PDLIM5: variants seen among roughly 807,000 people sequenced by gnomAD.
PDLIM5 encodes PDZ and LIM domain 5.
A neutral mutation model predicts 64.2 loss-of-function variants in PDLIM5; 34 were observed. The observed-to-expected ratio is 0.53, with a 90% confidence interval of 0.40 to 0.71. The LOEUF (loss-of-function observed/expected upper bound fraction) is 0.71. Among genes scored for constraint, PDLIM5 ranks in the 30% least tolerant of loss-of-function variants. The pLI is 0.00. For synonymous variants in PDLIM5, 253 were observed against 269.1 expected (o/e 0.94, Z 0.59); for missense variants, 683 against 733.6 (o/e 0.93, Z 0.80).
At chr4:94,617,406 G>A (rs1235442709) in intron 7 of PDLIM5, among the ~76,000 whole-genome samples, 1 of 152,090 alleles carries the variant, frequency 6.6e-6, no homozygotes, top group African/African-American at 2.4e-5. Context: ...GTTCTGTTAG[G>A]CAAGGGTTGT....
intron 3 of PDLIM5, among the ~76,000 whole-genome samples, chr4:94,565,416 C>CA (rs2110253896): frequency 6.6e-6 from 1 of 152,292 alleles, no homozygotes; most frequent in African/African-American, 2.4e-5. Flanking sequence ...GCTCAGTATG[C>CA]AGCCCCCTGT....
chr4:94,456,319 C>G, intron 2 of PDLIM5: 1 of 544,638 alleles, frequency 1.8e-6, no homozygotes, highest in Non-Finnish European at 3.3e-6. Context: ...CTGCCTCAGC[C>G]TCCCGAGTAG....
In PDLIM5 at chr4:94,573,337, CT is replaced by C; in HGVS notation, c.249-7del. ...CATTATTTTTTTTTTCTTTTTCTTT[CT>C]TTTTTTCCTCAGAGCATCTGCTGCA... On this transcript the variant is annotated splice_polypyrimidine_tract_variant and intron_variant, in intron 3 of 12. Transcript: ENST00000317968. 2 of 1,587,480 alleles carry C rather than the reference CT, an allele frequency of 1.3e-6. No homozygotes were observed. Among genetic ancestry groups the C allele is most frequent in the South Asian group, 1.2e-5 (1 of 85,684 alleles).
chr4:94,458,054 A>G (rs1428059188), intron 2 of PDLIM5, among the ~76,000 whole-genome samples: 1 of 152,156 alleles, frequency 6.6e-6, no homozygotes, highest in Non-Finnish European at 1.5e-5. Context: ...CTTTCATTGT[A>G]GTTATTTTTA....
intron 7 of PDLIM5, 102 bp downstream of exon 7, chr4:94,586,546 TG>T: frequency 1.5e-6 from 1 of 685,246 alleles, no homozygotes; most frequent in Non-Finnish European, 2.6e-6. Flanking sequence ...ATTTCGTCTT[TG>T]CAGCTAGAAG....
chr4:94,643,791 A>C (rs918495396), intron 9 of PDLIM5, among the ~76,000 whole-genome samples: 3 of 152,210 alleles, frequency 2.0e-5, no homozygotes, highest in African/African-American at 7.2e-5. Context: ...TTTTTTGCTC[A>C]GTGATTTTCA....
chr4:94,599,728 CAGTG>C (rs1737344739), intron 7 of PDLIM5, among the ~76,000 whole-genome samples: 2 of 151,978 alleles, frequency 1.3e-5, no homozygotes, highest in Admixed American at 1.3e-4. Flanking sequence ...GGAGCTAAAA[CAGTG>C]GGTGAGGTAG....
intron 3 of PDLIM5, among the ~76,000 whole-genome samples, chr4:94,530,303 G>A (rs1450399612): frequency 6.6e-6 from 1 of 151,992 alleles, no homozygotes; most frequent in Non-Finnish European, 1.5e-5. Flanking sequence ...GCTTATTTTG[G>A]CTGAGAGAAT....
chr4:94,542,556 G>T (rs751080969), intron 3 of PDLIM5, among the ~76,000 whole-genome samples: 48 of 152,116 alleles, frequency 3.2e-4, no homozygotes, highest in South Asian at 1.0e-3. Flanking sequence ...CTAATCAGTA[G>T]ATTCTATGGA....
chr4:94,484,537 T>C (rs1726144876), intron 2 of PDLIM5, among the ~76,000 whole-genome samples: 1 of 152,232 alleles, frequency 6.6e-6, no homozygotes, highest in Admixed American at 6.5e-5. Flanking sequence ...CTCTTTTACA[T>C]GCATTCTTAT....
At chr4:94,529,057 C>T (rs1032052276) in intron 3 of PDLIM5, among the ~76,000 whole-genome samples, 9 of 152,248 alleles carry the variant, frequency 5.9e-5, no homozygotes, top group African/African-American at 9.6e-5. Flanking sequence ...GTAGAAGTGG[C>T]GAGAACTTGT....
Position 94,666,198 on chromosome 4 carries a change from TA to T in PDLIM5, c.*2133del, listed in dbSNP as rs1743074226. On this transcript the variant is annotated 3_prime_UTR_variant, in exon 13 of 13. Coordinates refer to ENST00000317968, the MANE Select transcript of PDLIM5 (RefSeq NM_006457.5). ...GAGGTTTTAGGCTACAATATTTGTTTAACCTCCCTAAGAACTTTCAAGGCAT... is the reference window on the plus strand; with the variant it reads ...GAGGTTTTAGGCTACAATATTTGTTTACCTCCCTAAGAACTTTCAAGGCAT... 1 of 546,836 alleles carries T rather than the reference TA, an allele frequency of 1.8e-6. No homozygotes were observed. The highest frequency in any genetic ancestry group is 3.6e-5 in the Admixed American group (1 of 27,426). 33.9% of individuals were successfully genotyped at this position (546,836 alleles called of 1,614,324 possible). A position where few individuals can be genotyped will look rare whatever the true frequency, so the allele number is the denominator to read the frequency against.
intron 2 of PDLIM5, chr4:94,456,528 A>C (rs779363955): frequency 1.4e-6 from 1 of 717,192 alleles, no homozygotes; most frequent in South Asian, 1.5e-5. Flanking sequence ...TTTTTTTTGC[A>C]ACAATTTACC....
intron 5 of PDLIM5, chr4:94,584,736 T>G: frequency 4.6e-6 from 2 of 437,902 alleles, no homozygotes; most frequent in East Asian, 3.9e-5. Flanking sequence ...CTAGTGAAGA[T>G]TTGATCATTT....
At chr4:94,527,459 T>TTCAC (rs2110145703) in intron 3 of PDLIM5, among the ~76,000 whole-genome samples, 1 of 152,342 alleles carries the variant, frequency 6.6e-6, no homozygotes, top group Non-Finnish European at 1.5e-5. Context: ...AGAGTACTTT[T>TTCAC]TCAGTGAACT....
intron 8 of PDLIM5, among the ~76,000 whole-genome samples, chr4:94,639,642 A>G (rs1740840844): frequency 6.6e-6 from 1 of 152,164 alleles, no homozygotes; most frequent in Non-Finnish European, 1.5e-5. Context: ...TAGTGAGTTA[A>G]TTTTTGGTTT....
intron 3 of PDLIM5, among the ~76,000 whole-genome samples, chr4:94,539,805 C>T (rs1320423916): frequency 6.6e-6 from 1 of 152,098 alleles, no homozygotes; most frequent in Non-Finnish European, 1.5e-5. Context: ...AAGGTGCACT[C>T]AGTTCTGAGA....
At chr4:94,599,818 A>G (rs1248547535) in intron 7 of PDLIM5, among the ~76,000 whole-genome samples, 1 of 152,178 alleles carries the variant, frequency 6.6e-6, no homozygotes, top group African/African-American at 2.4e-5. Flanking sequence ...AGGATCAAAG[A>G]TGACTGATAG....
At chr4:94,587,776 C>T (rs555469692) in intron 7 of PDLIM5, 76 of 952,016 alleles carry the variant, frequency 8.0e-5, no homozygotes, top group Non-Finnish European at 6.8e-5. Flanking sequence ...ATCCTATTTC[C>T]TATCAAAGGA....
Sources: gnomAD v4.1 joint callset for allele counts (sites outside exome capture counted in the v4.1 genomes callset) on GRCh38, gnomAD v4.1.1 for gene constraint, MANE v1.5 for transcripts, NCBI Gene and HGNC (gene_info 2026-07-23, HGNC 2026-07-21) for gene names.